Variants in PUS7L observed in about 807,000 individuals in gnomAD.
PUS7L encodes pseudouridine synthase 7 like, also known as pseudouridylate synthase PUS7L.
PUS7L carries 49 observed loss-of-function variants against 51.1 expected under a neutral mutation model. The ratio of observed to expected loss-of-function variants is 0.96; its 90% CI spans 0.76 to 1.22. The LOEUF is 1.22. PUS7L is among the 50% of genes most tolerant of loss of function. The pLI is 0.00. For synonymous variants in PUS7L, 277 were observed against 276.2 expected (o/e 1.00, Z -0.03); for missense variants, 828 against 820.6 (o/e 1.01, Z -0.11).
intron 7 of PUS7L, among the ~76,000 whole-genome samples, chr12:43,736,176 T>C (rs1443226222): frequency 6.6e-6 from 1 of 152,208 alleles, no homozygotes; most frequent in Non-Finnish European, 1.5e-5. Context: ...TTTCACTCCA[T>C]ACCACTATTT....
In PUS7L at chr12:43,736,603, C is replaced by T. The variant is rs754433252; in HGVS notation, c.1503G>A (p.Leu501=). 1.5e-5 allele frequency: 24 copies of T among 1,614,072 alleles called. 1 individual carries two copies. In the South Asian group the frequency reaches 2.5e-4, roughly 17 times the overall value. ...TGCCAAAGCGGTGCAATGCCTCCAA[C>T]AATGCTCTCTCACGCACTTTGAATT... The part of the protein sequence containing the change: ...MPEFKVRERA[L]LEALHRFGMT... Residue 501 remains leucine, a synonymous_variant, in exon 7 of 9, where the codon TTG becomes TTA. Transcript: ENST00000344862.
chr12:43,747,889 G>A (rs1451257527), intron 3 of PUS7L, among the ~76,000 whole-genome samples: 1 of 152,018 alleles, frequency 6.6e-6, no homozygotes, highest in Admixed American at 6.5e-5. Context: ...CCCTATTCAA[G>A]CAATTCTCCT....
rs766186141 is a variant in PUS7L, at chr12:43,755,142, A to G, written c.104T>C (p.Ile35Thr). 2 of 1,613,586 alleles carry G rather than the reference A, an allele frequency of 1.2e-6. No homozygotes were observed. Among genetic ancestry groups the G allele is most frequent in the South Asian group, 2.2e-5 (2 of 91,044 alleles). Residue 35 changes from isoleucine (I) to threonine (T), a missense_variant, in exon 2 of 9, where the codon ATT (isoleucine) becomes ACT (threonine). Ile to Thr is a moderately conservative substitution (Grantham distance 89). Coordinates refer to ENST00000344862, the MANE Select transcript of PUS7L (RefSeq NM_031292.5). The stretch of plus-strand genomic sequence containing the variant: ...TCCCTGTTCATCAATTTCAATAACA[A>G]TAAAGTCACTTGGTGAGCTTTTTAT... The part of the protein sequence containing the change: ...GTIKSSPSDF[I>T]VIEIDEQGQL...
At chr12:43,750,446 T>C (rs1048518304) in intron 2 of PUS7L, among the ~76,000 whole-genome samples, 2 of 152,224 alleles carry the variant, frequency 1.3e-5, no homozygotes, top group Non-Finnish European at 2.9e-5. Flanking sequence ...GTAAGCAATA[T>C]GGGAACATTT....
intron 1 of PUS7L, 58 bp downstream of exon 1, chr12:43,758,672 C>CCG: frequency 1.8e-6 from 1 of 557,678 alleles, no homozygotes; most frequent in Middle Eastern, 9.4e-4. Context: ...CCCCCACACA[C>CCG]ACACACACAC....
At chr12:43,751,040 ATC>A (rs1938415519) in intron 2 of PUS7L, among the ~76,000 whole-genome samples, 1 of 152,134 alleles carries the variant, frequency 6.6e-6, no homozygotes, top group South Asian at 2.1e-4. Context: ...GTCACTTCAA[ATC>A]TTAGTGGCTT....
intron 7 of PUS7L, 97 bp downstream of exon 7, chr12:43,736,284 A>T (rs1412633613): frequency 1.0e-6 from 1 of 979,132 alleles, no homozygotes; most frequent in Non-Finnish European, 1.5e-6. Flanking sequence ...AATAAATTAC[A>T]TGTATGTTTA....
chr12:43,730,822 A>C (rs1293572053), intron 8 of PUS7L, 120 bp from the exon 9 acceptor site: 1 of 643,852 alleles, frequency 1.6e-6, no homozygotes, highest in African/African-American at 1.8e-5. Context: ...GAATATAAAC[A>C]CCACAATCAG....
In PUS7L at chr12:43,729,834, C is replaced by T. The variant is rs1477015306; in HGVS notation, c.*542G>A. The T allele has an allele frequency of 6.6e-6, 1 of 152,528 alleles. No homozygotes were observed. Among genetic ancestry groups the T allele is most frequent in the Non-Finnish European group, 1.5e-5 (1 of 68,316 alleles). 9.4% of individuals were successfully genotyped at this position (152,528 alleles called of 1,614,324 possible). On this transcript the variant is annotated 3_prime_UTR_variant, in exon 9 of 9. Coordinates refer to ENST00000344862, the MANE Select transcript of PUS7L (RefSeq NM_031292.5). The stretch of plus-strand genomic sequence containing the variant: ...TCTTCATCAAAGATTACTTATCTCA[C>T]AAAGAGGTAATAACTACTCTGGGGT...
At chr12:43,742,730 A>T in intron 4 of PUS7L, 175 bp from the exon 5 acceptor site, 1 of 777,272 alleles carries the variant, frequency 1.3e-6, no homozygotes, top group Non-Finnish European at 1.6e-6. Context: ...AAAGGAAAGA[A>T]AACACAGAAT....
rs1230504702 is a variant in PUS7L at position 43,730,524 on chromosome 12, T to C, written c.1958A>G (p.Tyr653Cys). The change falls in exon 9 of 9, where the codon TAC (tyrosine) becomes TGC (cysteine). Residue 653 changes from tyrosine to cysteine, a missense_variant. Tyr to Cys is a radical substitution (Grantham distance 194). Coordinates refer to ENST00000344862, the MANE Select transcript of PUS7L (RefSeq NM_031292.5). ...QILKHPCNLS[Y>C]QLMEDHDIDV... ...AATGTCATGATCTTCCATTAGTTGG[T>C]ATGAGAGATTACAGGGATGTTTCAA... is the stretch of plus-strand genomic sequence containing the variant. 12 of 1,613,790 alleles carry C rather than the reference T, an allele frequency of 7.4e-6. No individual in the cohort carries two copies. Among genetic ancestry groups the C allele is most frequent in the Admixed American group, 1.7e-5 (1 of 59,978 alleles).
intron 2 of PUS7L, among the ~76,000 whole-genome samples, chr12:43,751,835 T>G (rs1204836285): frequency 1.3e-5 from 2 of 152,198 alleles, no homozygotes; most frequent in African/African-American, 4.8e-5. Flanking sequence ...GTGTTCCTAT[T>G]TCTCCACATC....
At chr12:43,756,166 A>G (rs1410730587) in intron 1 of PUS7L, among the ~76,000 whole-genome samples, 1 of 152,198 alleles carries the variant, frequency 6.6e-6, no homozygotes, top group African/African-American at 2.4e-5. Context: ...AATCCTTTCC[A>G]TCATGCCATA....
chr12:43,742,531 C>T lies in PUS7L; in HGVS notation c.1288G>A (p.Gly430Arg). Residue 430 changes from glycine (G) to arginine (R), a missense_variant, in exon 5 of 9, where the codon GGA becomes AGA. Physicochemically the swap from Gly to Arg is moderately radical, Grantham distance 125 (BLOSUM62 -2). Transcript: ENST00000344862. ...VKKKGFVNYY[G>R]PQRFGKGRKV... ...CTTCCCTTCCCAAATCTCTGTGGTC[C>T]ATAGTAATTCACAAAGCCTTTTTTC... 1 of 1,605,392 alleles carries T rather than the reference C, an allele frequency of 6.2e-7. No homozygotes were observed. The highest frequency in any genetic ancestry group is 1.3e-5 in the African/African-American group (1 of 74,282).
intron 1 of PUS7L, 78 bp downstream of exon 1, chr12:43,758,652 T>TGGGGGGGGGGGGGG: frequency 4.2e-6 from 3 of 708,214 alleles, no homozygotes; most frequent in Non-Finnish European, 4.7e-6. Context: ...GCCAACCTCG[T>TGGGGGGGGGGGGGG]CACCCCCCCC....
intron 1 of PUS7L, among the ~76,000 whole-genome samples, chr12:43,757,981 G>A (rs1382855952): frequency 6.6e-6 from 1 of 152,194 alleles, no homozygotes; most frequent in African/African-American, 2.4e-5. Flanking sequence ...CTATTGGGTG[G>A]TCAATGGATG....
chr12:43,738,991 A>C (rs1415194283), intron 5 of PUS7L: 2 of 160,828 alleles, frequency 1.2e-5, no homozygotes, highest in African/African-American at 4.8e-5. Flanking sequence ...GAGTAGAAGT[A>C]AAATTAAACC....
chr12:43,719,856 T>C lies in PUS7L; in HGVS notation c.*10520A>G, dbSNP rs544072696. 13 of 152,340 alleles carry C rather than the reference T, an allele frequency of 8.5e-5. No homozygotes were observed. The highest frequency in any genetic ancestry group is 7.2e-4 in the Admixed American group (11 of 15,300). The allele number at this position is 152,340 out of a possible 1,614,324, so 9.4% of individuals were successfully genotyped here. On this transcript the variant is annotated 3_prime_UTR_variant, in exon 9 of 9. Coordinates refer to ENST00000344862, the MANE Select transcript of PUS7L (RefSeq NM_031292.5). ...TGTAACTGCATTATTTCCATCAGTC[T>C]CACCACAAGTATGTCAGCTCTACTA...
At chr12:43,742,683 G>C in intron 4 of PUS7L, 128 bp from the exon 5 acceptor site, 1 of 1,271,106 alleles carries the variant, frequency 7.9e-7, no homozygotes, top group Non-Finnish European at 1.0e-6. Flanking sequence ...TATACACATA[G>C]GGACCAAATG....
Sources: gnomAD v4.1 joint callset for allele counts (sites outside exome capture counted in the v4.1 genomes callset) on GRCh38, gnomAD v4.1.1 for gene constraint, MANE v1.5 for transcripts, NCBI Gene and HGNC (gene_info 2026-07-23, HGNC 2026-07-21) for gene names.